SEC23IP: variants seen among roughly 807,000 people sequenced by gnomAD.
The protein encoded by SEC23IP is SEC23-interacting protein.
Under a neutral mutation model 113.4 loss-of-function variants are expected in SEC23IP, and 70 were observed. The ratio of observed to expected loss-of-function variants is 0.62; its 90% CI spans 0.51 to 0.75. The LOEUF (loss-of-function observed/expected upper bound fraction) is 0.75, where lower values mean the gene tolerates loss of function less well. Among genes scored for constraint, SEC23IP ranks in the 30% least tolerant of loss-of-function variants. SEC23IP has a pLI of 0.00. For missense variants in SEC23IP, 1,160 were observed against 1,204.9 expected (o/e 0.96, Z 0.55); for synonymous variants, 398 against 421.0 (o/e 0.95, Z 0.67).
Position 119,892,774 on chromosome 10 carries a change from G to C in SEC23IP, c.-9G>C, listed in dbSNP as rs1589815414. 1 of 1,601,572 alleles carries C rather than the reference G, an allele frequency of 6.2e-7. No individual in the cohort carries two copies. On this transcript the variant is annotated 5_prime_UTR_variant, in exon 1 of 19. Coordinates refer to ENST00000369075, the MANE Select transcript of SEC23IP (RefSeq NM_007190.4). ...CCCGGAGACGTGTATCGGACGGTGG[G>C]CCGCAGCCATGGCCGAGAGAAAACC...
At chr10:119,893,327 T>C (rs1285208032) in intron 1 of SEC23IP, among the ~76,000 whole-genome samples, 1 of 151,948 alleles carries the variant, frequency 6.6e-6, no homozygotes, top group African/African-American at 2.4e-5. Flanking sequence ...TAGGATACGG[T>C]AAGATACCTC....
chr10:119,937,232 G>A (rs1855822600), intron 18 of SEC23IP, among the ~76,000 whole-genome samples: 1 of 152,016 alleles, frequency 6.6e-6, no homozygotes, highest in South Asian at 2.1e-4. Flanking sequence ...ATTAACCTTT[G>A]TCATTATAAG....
Position 119,916,650 on chromosome 10 carries a change from T to C in SEC23IP, c.1544+761T>C, listed in dbSNP as rs1458814509. 2.6e-5 allele frequency among the ~76,000 whole-genome samples: 4 copies of C among 152,348 alleles called. No individual in the cohort carries two copies. The East Asian group carries it at 7.7e-4, about 29-fold the overall frequency. ...AAATTAGGGAAGATTTTTCATTCCATGTAGCCCTGTTTTTTCTGTTTGATA... is the reference window on the plus strand; with the variant it reads ...AAATTAGGGAAGATTTTTCATTCCACGTAGCCCTGTTTTTTCTGTTTGATA... On this transcript the variant is annotated intron_variant, in intron 8 of 18. Coordinates refer to ENST00000369075, the MANE Select transcript of SEC23IP (RefSeq NM_007190.4).
chr10:119,918,194 C>T lies in SEC23IP; in HGVS notation c.1753+150C>T, dbSNP rs990290394. Reference sequence around the variant, plus strand: ...ATGAATGCTCTGAGTTTAGATTCTGCCTTTTCTATATTCACCTCTAGTATT... The same window carrying T: ...ATGAATGCTCTGAGTTTAGATTCTGTCTTTTCTATATTCACCTCTAGTATT... On this transcript the variant is annotated intron_variant, in intron 9 of 18. Transcript: ENST00000369075. 3 of 743,162 alleles carry T rather than the reference C, an allele frequency of 4.0e-6. No individual in the cohort carries two copies. In the Admixed American group the frequency reaches 8.5e-5, roughly 21 times the overall value. 46.0% of individuals were successfully genotyped at this position (743,162 alleles called of 1,614,324 possible).
intron 18 of SEC23IP, among the ~76,000 whole-genome samples, chr10:119,935,712 G>A (rs1389634487): frequency 3.9e-5 from 6 of 152,202 alleles, no homozygotes; most frequent in Admixed American, 3.9e-4. Context: ...CAGACAGCAC[G>A]TGGACAGTTG....
chr10:119,917,935 T>C lies in SEC23IP; in HGVS notation c.1644T>C (p.Cys548=). 1 of 1,614,054 alleles carries C rather than the reference T, an allele frequency of 6.2e-7. No individual in the cohort carries two copies. The highest frequency in any genetic ancestry group is 8.5e-7 in the Non-Finnish European group (1 of 1,179,926). The change falls in exon 9 of 19, where the codon TGT becomes TGC. Residue 548 remains cysteine (C), a synonymous_variant. Coordinates refer to ENST00000369075, the MANE Select transcript of SEC23IP (RefSeq NM_007190.4). ...TATTTTATAACAGCCCCACCTACTG[T>C]CAGACAATTGTGGAAAAAGTAGGAA... The part of the protein sequence containing the change: ...DILFYNSPTY[C]QTIVEKVGME...
chr10:119,931,995 G>C, intron 15 of SEC23IP, 138 bp from the exon 16 acceptor site: 1 of 541,804 alleles, frequency 1.8e-6, no homozygotes, highest in Non-Finnish European at 3.3e-6. Flanking sequence ...TCTTGGCTGA[G>C]GCACTCCGTA....
chr10:119,920,932 T>G lies in SEC23IP; in HGVS notation c.2069T>G (p.Leu690Arg), dbSNP rs144903415. 129 of 1,613,750 alleles carry G rather than the reference T, an allele frequency of 8.0e-5. No homozygotes were observed. The highest frequency in any genetic ancestry group is 1.9e-5 in the Non-Finnish European group (23 of 1,179,814). Reference protein sequence around the residue: ...VDDLKEMGIPLGPRKKIANFV... With the variant: ...VDDLKEMGIPRGPRKKIANFV... ...GACCTGAAGGAAATGGGGATACCCC[T>G]TGGACCCAGAAAGAAGATAGCTAAC... The change falls in exon 12 of 19, where the codon CTT (leucine) becomes CGT (arginine). Residue 690 changes from leucine to arginine, a missense_variant. Transcript: ENST00000369075.
chr10:119,903,118 AC>A, intron 3 of SEC23IP, 109 bp downstream of exon 3: 1 of 879,530 alleles, frequency 1.1e-6, no homozygotes, highest in Non-Finnish European at 1.8e-6. Flanking sequence ...ATCCTTATAG[AC>A]CCCAGACTCT....
intron 18 of SEC23IP, among the ~76,000 whole-genome samples, chr10:119,938,043 C>T (rs960646432): frequency 6.6e-6 from 1 of 151,458 alleles, no homozygotes; most frequent in Non-Finnish European, 1.5e-5. Context: ...GTGGCTCATA[C>T]CTGTAATCCC....
Position 119,933,703 on chromosome 10 carries a change from C to T in SEC23IP, c.2939C>T (p.Ala980Val). 6.4e-7 allele frequency: 1 copy of T among 1,572,780 alleles called. No individual in the cohort carries two copies. Among genetic ancestry groups the T allele is most frequent in the Non-Finnish European group, 8.8e-7 (1 of 1,142,822 alleles). ...TTTCATAGGGAATCTGAAGATACTG[C>T]TCTGTTACTACTTAAAGAAATTTAT... ...HLCYWESEDTALLLLKEIYRT... is the reference protein window; with the variant it reads ...HLCYWESEDTVLLLLKEIYRT... Residue 980 changes from alanine (A) to valine (V), a missense_variant, in exon 18 of 19, where the codon GCT (alanine) becomes GTT (valine). Ala to Val is a moderately conservative substitution (Grantham distance 64). Transcript: ENST00000369075.
rs905331825 is a variant in SEC23IP at position 119,941,128 on chromosome 10, C to T, written c.*563C>T. The T allele has an allele frequency of 4.6e-5, 7 of 152,182 alleles. No individual in the cohort carries two copies. The highest frequency in any genetic ancestry group is 1.7e-4 in the African/African-American group (7 of 41,444). 9.4% of individuals were successfully genotyped at this position (152,182 alleles called of 1,614,324 possible). ...TTTGTTAAGAGGAAATAATCAAGAT[C>T]ACTCATATCCCAACTGAATCTGAGG... On this transcript the variant is annotated 3_prime_UTR_variant, in exon 19 of 19. Transcript: ENST00000369075.
At chr10:119,899,242 G>A (rs1854396457) in intron 2 of SEC23IP, among the ~76,000 whole-genome samples, 1 of 152,170 alleles carries the variant, frequency 6.6e-6, no homozygotes, top group South Asian at 2.1e-4. Context: ...AAAAATAAGT[G>A]TTGTCTAGAG....
rs1272223000 is a variant in SEC23IP at position 119,944,247 on chromosome 10, T to A, written c.*3682T>A. ...TTAAAAGTGGCAGTTTTCCCTGCACTCTCTCCTGCCACCTTGTGAAGAAGG... is the reference window on the plus strand; with the variant it reads ...TTAAAAGTGGCAGTTTTCCCTGCACACTCTCCTGCCACCTTGTGAAGAAGG... On this transcript the variant is annotated 3_prime_UTR_variant, in exon 19 of 19. Transcript: ENST00000369075. The A allele has an allele frequency of 1.3e-5, 2 of 152,200 alleles. No homozygotes were observed. The highest frequency in any genetic ancestry group is 4.8e-5 in the African/African-American group (2 of 41,446). The allele number at this position is 152,200 out of a possible 1,614,324, so 9.4% of individuals were successfully genotyped here.
intron 1 of SEC23IP, among the ~76,000 whole-genome samples, chr10:119,893,740 A>T (rs567150514): frequency 2.0e-4 from 31 of 151,892 alleles, no homozygotes; most frequent in African/African-American, 7.0e-4. Context: ...GGATGGTCTC[A>T]ATCTCCTGAC....
chr10:119,926,059 G>A lies in SEC23IP; in HGVS notation c.2145G>A (p.Lys715=). Residue 715 remains lysine, a synonymous_variant, in exon 13 of 19, where the codon AAG becomes AAA. Transcript: ENST00000369075. The stretch of plus-strand genomic sequence containing the variant: ...AGAAAAAAGCAGCGTCAGAAAAGAA[G>A]GCAGTGGCGGCCACTTCTACAAAAG... ...AKLKKAASEK[K]AVAATSTKGQ... The A allele has an allele frequency of 3.1e-6, 5 of 1,613,104 alleles. No homozygotes were observed. Among genetic ancestry groups the A allele is most frequent in the Non-Finnish European group, 4.2e-6 (5 of 1,179,644 alleles).
chr10:119,933,833 C>T, intron 18 of SEC23IP, 46 bp downstream of exon 18: 1 of 996,286 alleles, frequency 1.0e-6, no homozygotes, highest in Non-Finnish European at 1.6e-6. Context: ...TGTTTGCATT[C>T]TCAAATCTGT....
chr10:119,918,489 A>G lies in SEC23IP; in HGVS notation c.1850A>G (p.Gln617Arg), dbSNP rs774514800. The change falls in exon 10 of 19, where the codon CAG (glutamine) becomes CGG (arginine). Residue 617 changes from glutamine (Q) to arginine (R), a missense_variant. By Grantham distance (43) the Gln-to-Arg change is conservative (BLOSUM62 1). Coordinates refer to ENST00000369075, the MANE Select transcript of SEC23IP (RefSeq NM_007190.4). ...GCTGTTGCTAATGGAGTTGTGAAGC[A>G]GCTACATTTTCAGGAAAAGCAGGTA... ...PLAVANGVVKQLHFQEKQMPE... is the reference protein window; with the variant it reads ...PLAVANGVVKRLHFQEKQMPE... 9 of 1,612,298 alleles carry G rather than the reference A, an allele frequency of 5.6e-6. No homozygotes were observed. Among genetic ancestry groups the G allele is most frequent in the South Asian group, 1.1e-5 (1 of 91,052 alleles).
intron 4 of SEC23IP, among the ~76,000 whole-genome samples, chr10:119,905,080 G>A (rs1854618828): frequency 6.6e-6 from 1 of 152,014 alleles, no homozygotes. Context: ...GCTGCAGGGA[G>A]CTGAGATCAT....
Sources: gnomAD v4.1 joint callset for allele counts (sites outside exome capture counted in the v4.1 genomes callset) on GRCh38, gnomAD v4.1.1 for gene constraint, MANE v1.5 for transcripts, NCBI Gene and HGNC (gene_info 2026-07-23, HGNC 2026-07-21) for gene names.